Variants in LIMK1 observed in about 807,000 individuals in gnomAD.
The protein encoded by LIMK1 is LIM motif-containing protein kinase.
In LIMK1, 21 loss-of-function variants were observed where a neutral mutation model predicts 77.6. The ratio of observed to expected loss-of-function variants is 0.27; its 90% CI spans 0.19 to 0.39. The LOEUF (loss-of-function observed/expected upper bound fraction) is 0.39, where lower values mean the gene tolerates loss of function less well. Ranked by LOEUF, LIMK1 falls within the 10% of genes least tolerant of loss-of-function variation. LIMK1 has a pLI of 1.00. For synonymous variants in LIMK1, 358 were observed against 370.0 expected (o/e 0.97, Z 0.37); for missense variants, 696 against 901.6 (o/e 0.77, Z 2.92).
At chr7:74,085,670 G>A (rs1799121760) in intron 1 of LIMK1, 78 bp from the exon 2 acceptor site, 3 of 1,103,758 alleles carry the variant, frequency 2.7e-6, no homozygotes, top group Non-Finnish European at 4.0e-6. Flanking sequence ...AGGTATATGT[G>A]GGGTGGGCAG....
intron 2 of LIMK1, among the ~76,000 whole-genome samples, chr7:74,087,947 AC>A (rs1799163329): frequency 6.6e-6 from 1 of 150,734 alleles, no homozygotes; most frequent in South Asian, 2.1e-4. Context: ...TTGCTGTGTC[AC>A]CCAGGCTGGC....
intron 13 of LIMK1, among the ~76,000 whole-genome samples, chr7:74,116,703 C>CTT (rs201510427): frequency 6.2e-5 from 9 of 145,356 alleles, no homozygotes; most frequent in Non-Finnish European, 7.6e-5. Context: ...AACCTTCCTC[C>CTT]TTTTTTTTTT....
intron 1 of LIMK1, among the ~76,000 whole-genome samples, chr7:74,085,035 G>A (rs1554693863): frequency 6.6e-6 from 1 of 152,178 alleles, no homozygotes; most frequent in African/African-American, 2.4e-5. Context: ...CATCTCTGGG[G>A]CTCAGTCTCC....
intron 4 of LIMK1, among the ~76,000 whole-genome samples, chr7:74,098,497 C>T (rs1310649214): frequency 1.3e-5 from 2 of 152,126 alleles, no homozygotes; most frequent in Admixed American, 6.6e-5. Flanking sequence ...CTCAGAGGGA[C>T]GAGGGCTGGC....
intron 2 of LIMK1, among the ~76,000 whole-genome samples, chr7:74,094,776 G>A (rs1554695319): frequency 1.3e-5 from 2 of 149,948 alleles, no homozygotes; most frequent in Admixed American, 1.3e-4. Context: ...GCCCCCTGCT[G>A]TGCACCGAGT....
chr7:74,118,515 G>A (rs1175675201), intron 13 of LIMK1, among the ~76,000 whole-genome samples: 1 of 151,886 alleles, frequency 6.6e-6, no homozygotes, highest in Non-Finnish European at 1.5e-5. Context: ...ACTTTGGGAG[G>A]CCGAGGCAGG....
chr7:74,090,322 T>A (rs1799213000), intron 2 of LIMK1, among the ~76,000 whole-genome samples: 1 of 150,842 alleles, frequency 6.6e-6, no homozygotes, highest in South Asian at 2.1e-4. Context: ...TTGCAGTGAG[T>A]CAAGATCGCG....
At chr7:74,112,522 C>T (rs575198366) in intron 12 of LIMK1, among the ~76,000 whole-genome samples, 3 of 151,718 alleles carry the variant, frequency 2.0e-5, no homozygotes, top group African/African-American at 4.8e-5. Context: ...AGATCGAGAC[C>T]GTCCTGGCTA....
intron 9 of LIMK1, among the ~76,000 whole-genome samples, chr7:74,108,594 G>A (rs992768417): frequency 1.2e-4 from 18 of 151,260 alleles, no homozygotes; most frequent in South Asian, 2.1e-4. Flanking sequence ...GTTGCAGTGA[G>A]CCAAGATCGT....
At chr7:74,093,161 T>A (rs1411074682) in intron 2 of LIMK1, 1 of 1,512,498 alleles carries the variant, frequency 6.6e-7, no homozygotes, top group African/African-American at 1.4e-5. Flanking sequence ...CCTCCAATCC[T>A]GAGCCCCTGA....
intron 2 of LIMK1, among the ~76,000 whole-genome samples, chr7:74,091,528 A>G (rs1220554025): frequency 6.6e-6 from 1 of 152,188 alleles, no homozygotes; most frequent in African/African-American, 2.4e-5. Context: ...AATTTTTAAA[A>G]AGCGATTTTA....
intron 2 of LIMK1, among the ~76,000 whole-genome samples, chr7:74,091,612 G>A (rs1279411191): frequency 1.1e-4 from 16 of 152,186 alleles, no homozygotes; most frequent in African/African-American, 2.9e-4. Flanking sequence ...GACTCGAACC[G>A]AGGCAGCCTG....
At chr7:74,093,414 T>C (rs1243517023) in intron 2 of LIMK1, 3 of 1,280,174 alleles carry the variant, frequency 2.3e-6, no homozygotes, top group Non-Finnish European at 3.2e-6. Context: ...GAACTGAAAC[T>C]CCTTGGTTAC....
chr7:74,115,838 C>G lies in LIMK1; in HGVS notation c.1447C>G (p.Arg483Gly). The G allele has an allele frequency of 6.2e-7, 1 of 1,614,104 alleles. No homozygotes were observed. The highest frequency in any genetic ancestry group is 8.5e-7 in the Non-Finnish European group (1 of 1,180,006). The change falls in exon 13 of 16, where the codon CGT (arginine) becomes GGT (glycine). Residue 483 changes from arginine (R) to glycine (G), a missense_variant. By Grantham distance (125) the Arg-to-Gly change is moderately radical (BLOSUM62 -2). Around this residue, in one of 3 missense-constraint regions of LIMK1, gnomAD observed 438 missense variants for 602.3 expected, o/e 0.73. Coordinates refer to ENST00000336180, the MANE Select transcript of LIMK1 (RefSeq NM_002314.4). ...NVVVADFGLARLMVDEKTQPE... is the reference protein window; with the variant it reads ...NVVVADFGLAGLMVDEKTQPE... ...GGTGGTGGCTGACTTCGGGCTGGCGCGTCTCATGGTGGACGAGAAGACTCA... is the reference window on the plus strand; with the variant it reads ...GGTGGTGGCTGACTTCGGGCTGGCGGGTCTCATGGTGGACGAGAAGACTCA...
intron 2 of LIMK1, 61 bp from the exon 3 acceptor site, chr7:74,096,561 G>T: frequency 1.0e-5 from 16 of 1,600,234 alleles, no homozygotes; most frequent in Non-Finnish European, 1.4e-5. Context: ...GCCGAGGCAG[G>T]GGCCCAGGTG....
chr7:74,102,333 T>C (rs1554696691), intron 5 of LIMK1, among the ~76,000 whole-genome samples: 1 of 151,986 alleles, frequency 6.6e-6, no homozygotes, highest in Non-Finnish European at 1.5e-5. Context: ...TATATACATA[T>C]ATGGATACAG....
At chr7:74,106,868 C>T in intron 7 of LIMK1, 142 bp from the exon 8 acceptor site, 3 of 816,456 alleles carry the variant, frequency 3.7e-6, no homozygotes, top group Non-Finnish European at 5.6e-6. Context: ...TTTGGACTGT[C>T]CCAGGCGGGC....
At chr7:74,118,730 G>A (rs1171318331) in intron 13 of LIMK1, among the ~76,000 whole-genome samples, 3 of 151,912 alleles carry the variant, frequency 2.0e-5, no homozygotes, top group Admixed American at 6.6e-5. Context: ...TGCAGTGGGC[G>A]ACAGAGCAAG....
In LIMK1 at chr7:74,106,990, G is replaced by A. The variant is rs553664186; in HGVS notation, c.882-20G>A. 2 of 1,550,936 alleles carry A rather than the reference G, an allele frequency of 1.3e-6. No homozygotes were observed. The highest frequency in any genetic ancestry group is 3.8e-5 in the Admixed American group (2 of 52,284). On this transcript the variant is annotated intron_variant, in intron 7 of 15. Coordinates refer to ENST00000336180, the MANE Select transcript of LIMK1 (RefSeq NM_002314.4). ...GCTACCTGTCCCCCGGTGGCACTTG[G>A]CACCATGTGTGCCCCCCAGGAGGAG...
Sources: gnomAD v4.1 joint callset for allele counts (sites outside exome capture counted in the v4.1 genomes callset) on GRCh38, gnomAD v4.1.1 for gene constraint, gnomAD v4.1.1 regional missense constraint, MANE v1.5 for transcripts, NCBI Gene and HGNC (gene_info 2026-07-23, HGNC 2026-07-21) for gene names.